Variants in WWTR1 observed in about 807,000 individuals in gnomAD.
WWTR1 encodes the protein WW domain-containing transcription regulator protein 1.
Under a neutral mutation model 40.1 loss-of-function variants are expected in WWTR1, and 13 were observed. That is an observed-to-expected ratio of 0.32 (90% CI 0.21 to 0.52). The LOEUF (loss-of-function observed/expected upper bound fraction) is 0.52, where lower values mean the gene tolerates loss of function less well. Ranked by LOEUF, WWTR1 falls within the 20% of genes least tolerant of loss-of-function variation. The pLI is 0.97. For missense variants in WWTR1, 436 were observed against 523.1 expected (o/e 0.83, Z 1.63); for synonymous variants, 230 against 210.1 (o/e 1.09, Z -0.82).
rs577696629 is a variant in WWTR1, at chr3:149,596,179, A to C, written c.432-23179T>G. ...TTTCCTTCTATCCTCCAGTTATAAC[A>C]AAAATTACAGTAAAGGACAGTAAGT... On this transcript the variant is annotated intron_variant, in intron 2 of 6. Coordinates refer to ENST00000360632, the MANE Select transcript of WWTR1 (RefSeq NM_015472.6). Among the ~76,000 whole-genome samples, 43 of 152,374 alleles carry C rather than the reference A, an allele frequency of 2.8e-4. No homozygotes were observed. The South Asian group carries it at 8.5e-3, about 30-fold the overall frequency.
chr3:149,685,215 G>A (rs1315092161), intron 1 of WWTR1, among the ~76,000 whole-genome samples: 1 of 152,184 alleles, frequency 6.6e-6, no homozygotes, highest in African/African-American at 2.4e-5. Flanking sequence ...GATCGAAGAT[G>A]GACTATTTAG....
chr3:149,564,520 A>G (rs1014908108), intron 3 of WWTR1, among the ~76,000 whole-genome samples: 23 of 151,478 alleles, frequency 1.5e-4, no homozygotes, highest in African/African-American at 5.1e-4. Context: ...TGGCTATTAC[A>G]AAAGTAATAT....
intron 2 of WWTR1, among the ~76,000 whole-genome samples, chr3:149,611,058 G>A (rs1739716649): frequency 6.6e-6 from 1 of 152,158 alleles, no homozygotes; most frequent in Non-Finnish European, 1.5e-5. Context: ...GGAGGCTGAG[G>A]TGGGAAGATA....
chr3:149,582,017 G>A (rs1329405661), intron 2 of WWTR1, among the ~76,000 whole-genome samples: 1 of 151,966 alleles, frequency 6.6e-6, no homozygotes, highest in African/African-American at 2.4e-5. Context: ...TTTGTCCCTG[G>A]GGTGGGAAAA....
intron 1 of WWTR1, among the ~76,000 whole-genome samples, chr3:149,684,253 T>C (rs1714555590): frequency 6.6e-6 from 1 of 151,988 alleles, no homozygotes; most frequent in South Asian, 2.1e-4. Context: ...AGTTCCTGGG[T>C]TCAAATGCCC....
intron 5 of WWTR1, among the ~76,000 whole-genome samples, chr3:149,715,725 A>T (rs972626323): frequency 6.6e-6 from 1 of 152,268 alleles, no homozygotes; most frequent in African/African-American, 2.4e-5. Flanking sequence ...AGTACTTCAT[A>T]CATATACCTC....
chr3:149,635,195 A>C (rs1711754648), intron 2 of WWTR1, among the ~76,000 whole-genome samples: 1 of 152,216 alleles, frequency 6.6e-6, no homozygotes, highest in African/African-American at 2.4e-5. Flanking sequence ...AAAGAAGTTT[A>C]AATTATCATA....
At position 149,567,822 on chromosome 3, in the gene WWTR1, C is replaced by T. The variant is rs75137637; in HGVS notation, c.568+5042G>A. Among the ~76,000 whole-genome samples the T allele has an allele frequency of 2.5e-3, 382 of 152,208 alleles. 6 individuals are homozygous for T. The highest frequency in any genetic ancestry group is 0.014 in the East Asian group (71 of 5,186). ...GAGGTTAAATAACCCAATACATAAA[C>T]GTCTAAATTAAGAGAAACTCAGTTC... On this transcript the variant is annotated intron_variant, in intron 3 of 6. Transcript: ENST00000360632.
chr3:149,637,000 A>G (rs1400776082), intron 2 of WWTR1, among the ~76,000 whole-genome samples: 4 of 147,296 alleles, frequency 2.7e-5, no homozygotes, highest in Non-Finnish European at 6.0e-5. Flanking sequence ...AGAGAGAAGT[A>G]TTATGCAAGG....
intron 2 of WWTR1, among the ~76,000 whole-genome samples, chr3:149,643,624 T>C (rs921496705): frequency 6.6e-6 from 1 of 152,064 alleles, no homozygotes; most frequent in African/African-American, 2.4e-5. Flanking sequence ...TATGTGGGAG[T>C]GTATTCACAC....
intron 3 of WWTR1, among the ~76,000 whole-genome samples, chr3:149,569,438 G>A (rs978184159): frequency 6.6e-6 from 1 of 152,088 alleles, no homozygotes; most frequent in African/African-American, 2.4e-5. Context: ...TTGTACATAT[G>A]ATGAAATCAA....
chr3:149,627,271 TCC>T (rs1740601230), intron 2 of WWTR1, among the ~76,000 whole-genome samples: 2 of 152,324 alleles, frequency 1.3e-5, no homozygotes, highest in Admixed American at 1.3e-4. Flanking sequence ...CATGATCTAT[TCC>T]CCTTCTCTCC....
Position 149,599,840 on chromosome 3 carries a change from G to A in WWTR1, c.432-26840C>T, listed in dbSNP as rs563852398. Among the ~76,000 whole-genome samples the A allele has an allele frequency of 2.3e-4, 35 of 152,308 alleles. 1 individual carries two copies. Among genetic ancestry groups the A allele is most frequent in the Middle Eastern group, 3.4e-3 (1 of 294 alleles). ...AAAAACATCAAAATTCCAAGAGTTTGAGACATCTTTAAATAGCGACAAGGT... is the reference window on the plus strand; with the variant it reads ...AAAAACATCAAAATTCCAAGAGTTTAAGACATCTTTAAATAGCGACAAGGT... On this transcript the variant is annotated intron_variant, in intron 2 of 6. Transcript: ENST00000360632.
At chr3:149,696,768 T>C (rs778262584) in intron 1 of WWTR1, among the ~76,000 whole-genome samples, 9 of 152,156 alleles carry the variant, frequency 5.9e-5, no homozygotes, top group Non-Finnish European at 1.2e-4. Flanking sequence ...CTCCATCCCA[T>C]AGTTAGAATG....
At chr3:149,623,676 A>C (rs778002278) in intron 2 of WWTR1, among the ~76,000 whole-genome samples, 3 of 152,210 alleles carry the variant, frequency 2.0e-5, no homozygotes, top group Non-Finnish European at 4.4e-5. Context: ...GGTAAATGTA[A>C]ATCTGTATAA....
intron 3 of WWTR1, among the ~76,000 whole-genome samples, chr3:149,550,643 G>T (rs1177437958): frequency 6.6e-6 from 1 of 152,166 alleles, no homozygotes; most frequent in African/African-American, 2.4e-5. Context: ...GAAAAAAGCG[G>T]ACAGGGAATG....
intron 2 of WWTR1, among the ~76,000 whole-genome samples, chr3:149,612,296 T>C (rs1739767852): frequency 1.3e-5 from 2 of 151,486 alleles, no homozygotes; most frequent in South Asian, 4.2e-4. Flanking sequence ...TGAAATCTGG[T>C]CAATTCACAT....
At chr3:149,529,522 A>T (rs1735473314) in intron 4 of WWTR1, among the ~76,000 whole-genome samples, 1 of 152,224 alleles carries the variant, frequency 6.6e-6, no homozygotes, top group Admixed American at 6.5e-5. Context: ...TTAACTAACA[A>T]ATTTTATTCA....
intron 1 of WWTR1, among the ~76,000 whole-genome samples, chr3:149,674,454 G>A (rs566978401): frequency 2.6e-3 from 392 of 152,082 alleles, no homozygotes; most frequent in Non-Finnish European, 4.9e-3. Context: ...AGGCATGGTG[G>A]TGCGTGCCTG....
Sources: gnomAD v4.1 joint callset for allele counts (sites outside exome capture counted in the v4.1 genomes callset) on GRCh38, gnomAD v4.1.1 for gene constraint, MANE v1.5 for transcripts, NCBI Gene and HGNC (gene_info 2026-07-23, HGNC 2026-07-21) for gene names.